The following CACNA1C variants were observed in gnomAD, a reference collection of about 807,000 sequenced individuals.
The protein encoded by CACNA1C is calcium voltage-gated channel subunit alpha1 C.
Under a neutral mutation model 229.0 loss-of-function variants are expected in CACNA1C, and 30 were observed. That is an observed-to-expected ratio of 0.13 (90% confidence interval 0.10 to 0.18). CACNA1C has a LOEUF of 0.18. Ranked by LOEUF, CACNA1C falls within the 10% of genes least tolerant of loss-of-function variation. The probability of loss-of-function intolerance (pLI) is 1.00; values close to 1 mark genes in which losing one functional copy is unlikely to be tolerated. For missense variants in CACNA1C, 1,658 were observed against 2,845.0 expected (o/e 0.58, Z 9.49); for synonymous variants, 1,114 against 1,132.5 (o/e 0.98, Z 0.33).
chr12:2,547,385 G>T, intron 9 of CACNA1C: 1 of 761,874 alleles, frequency 1.3e-6, no homozygotes, highest in South Asian at 1.4e-5. Context: ...GCCCGTGGCT[G>T]ACTGCGTGTG....
intron 1 of CACNA1C, among the ~76,000 whole-genome samples, chr12:1,987,718 G>GAT (rs2038200725): frequency 6.6e-6 from 1 of 152,098 alleles, no homozygotes; most frequent in South Asian, 2.1e-4. Context: ...TTCACACACA[G>GAT]ATACACACAC....
intron 3 of CACNA1C, among the ~76,000 whole-genome samples, chr12:2,243,123 T>A (rs1314452276): frequency 1.3e-5 from 2 of 152,184 alleles, no homozygotes; most frequent in Non-Finnish European, 2.9e-5. Context: ...GGAGCTTACT[T>A]ATATGGGTTA....
At chr12:2,187,438 A>G (rs1344652436) in intron 3 of CACNA1C, among the ~76,000 whole-genome samples, 1 of 152,218 alleles carries the variant, frequency 6.6e-6, no homozygotes, top group African/African-American at 2.4e-5. Flanking sequence ...GGTGGGCAGG[A>G]GAGAGGCTGA....
chr12:2,247,156 C>T (rs1159274496), intron 3 of CACNA1C, among the ~76,000 whole-genome samples: 3 of 152,076 alleles, frequency 2.0e-5, no homozygotes, highest in African/African-American at 7.2e-5. Flanking sequence ...ATCCTTTATT[C>T]TTGTCTTAAA....
At chr12:2,161,130 A>G (rs1035550413) in intron 3 of CACNA1C, among the ~76,000 whole-genome samples, 1 of 152,232 alleles carries the variant, frequency 6.6e-6, no homozygotes, top group African/African-American at 2.4e-5. Flanking sequence ...AGCTCTGGTT[A>G]TCCTTTGCTG....
chr12:2,559,519 G>C (rs369173373), intron 11 of CACNA1C, among the ~76,000 whole-genome samples: 6 of 152,224 alleles, frequency 3.9e-5, no homozygotes, highest in African/African-American at 1.4e-4. Flanking sequence ...CTGCCTCTGG[G>C]AAGGCCTTCT....
Position 2,633,625 on chromosome 12 carries a change from G to A in CACNA1C, c.3829-672G>A, listed in dbSNP as rs2091548729. Reference sequence around the variant, plus strand: ...CCCCATCCTGCCTGCCCTCCCTTATGTAGGGTTACTTTAGTGATCCCTGGA... The same window carrying A: ...CCCCATCCTGCCTGCCCTCCCTTATATAGGGTTACTTTAGTGATCCCTGGA... On this transcript the variant is annotated intron_variant, in intron 29 of 46. Coordinates refer to ENST00000399655, the MANE Select transcript of CACNA1C (RefSeq NM_000719.7). The surrounding 1 kb of genome is among the most constrained non-coding windows in gnomAD (Gnocchi z 5.8). The A allele has an allele frequency of 3.2e-6, 5 of 1,569,078 alleles. No homozygotes were observed. The highest frequency in any genetic ancestry group is 4.4e-6 in the Non-Finnish European group (5 of 1,139,284).
intron 3 of CACNA1C, among the ~76,000 whole-genome samples, chr12:2,177,381 C>G (rs1034623076): frequency 2.6e-5 from 4 of 152,170 alleles, no homozygotes; most frequent in Non-Finnish European, 5.9e-5. Flanking sequence ...TACACAGAAT[C>G]CAGTTCAAGC....
At chr12:2,612,257 C>T in intron 29 of CACNA1C, 1 of 474,128 alleles carries the variant, frequency 2.1e-6, no homozygotes, top group East Asian at 3.7e-5. Flanking sequence ...CTGCAGATTC[C>T]TCGCTGAGCT....
intron 3 of CACNA1C, among the ~76,000 whole-genome samples, chr12:2,437,828 G>GTGGTGGTAATGA (rs1204131257): frequency 5.1e-4 from 76 of 147,764 alleles, no homozygotes; most frequent in African/African-American, 1.7e-3. Flanking sequence ...GGTGGTAATG[G>GTGGTGGTAATGA]TGGTGGTAAT....
At chr12:2,389,911 C>T (rs1030351003) in intron 3 of CACNA1C, among the ~76,000 whole-genome samples, 1 of 152,194 alleles carries the variant, frequency 6.6e-6, no homozygotes, top group Non-Finnish European at 1.5e-5. Flanking sequence ...TCCTCTCTTA[C>T]TTCTCATTTG....
rs2099697372 is a variant in CACNA1C at position 2,486,375 on chromosome 12, C to A, written c.916+113C>A. The A allele has an allele frequency of 6.6e-6, 5 of 762,826 alleles. No homozygotes were observed. The highest frequency in any genetic ancestry group is 5.4e-5 in the East Asian group (2 of 36,914). The allele number at this position is 762,826 out of a possible 1,614,324, so 47.3% of individuals were successfully genotyped here. A position where few individuals can be genotyped will look rare whatever the true frequency, so the allele number is the denominator to read the frequency against. On this transcript the variant is annotated intron_variant, in intron 6 of 46. Transcript: ENST00000399655. The surrounding 1 kb of genome is among the most constrained non-coding windows in gnomAD (Gnocchi z 4.9). ...AGCAGAGCCCAGGGAAGGCCCCATT[C>A]ATTCAGACACACACTGGGCATGGTT...
At chr12:2,443,198 C>T (rs895518261) in intron 3 of CACNA1C, among the ~76,000 whole-genome samples, 2 of 152,208 alleles carry the variant, frequency 1.3e-5, no homozygotes, top group Non-Finnish European at 2.9e-5. Flanking sequence ...AAGTTAGTTA[C>T]TTACAAGATA....
chr12:2,669,789 C>A (rs12369334), intron 38 of CACNA1C, among the ~76,000 whole-genome samples: 10,945 of 152,262 alleles, frequency 0.072, 543 homozygotes, highest in Non-Finnish European at 0.1. Flanking sequence ...TCAGACCTCA[C>A]CTGTGCCACC....
chr12:2,611,886 C>A lies in CACNA1C; in HGVS notation c.3718-17C>A. 1 of 1,547,248 alleles carries A rather than the reference C, an allele frequency of 6.5e-7. No homozygotes were observed. The highest frequency in any genetic ancestry group is 8.9e-7 in the Non-Finnish European group (1 of 1,119,592). ...TCCCTGCCCCGTGTTCACAGCTCCTCCCCTCTCCTGATGCAGCACTACGGC... is the reference window on the plus strand; with the variant it reads ...TCCCTGCCCCGTGTTCACAGCTCCTACCCTCTCCTGATGCAGCACTACGGC... On this transcript the variant is annotated splice_polypyrimidine_tract_variant and intron_variant, in intron 28 of 46. Transcript: ENST00000399655.
At chr12:2,373,167 T>G (rs2097917167) in intron 3 of CACNA1C, among the ~76,000 whole-genome samples, 2 of 152,160 alleles carry the variant, frequency 1.3e-5, no homozygotes. Context: ...AACCCTTCAT[T>G]TGAGTGCCTT....
chr12:2,331,803 G>A (rs543484002), intron 3 of CACNA1C, among the ~76,000 whole-genome samples: 50 of 148,852 alleles, frequency 3.4e-4, no homozygotes, highest in Non-Finnish European at 6.8e-4. Context: ...TGAGGGACAT[G>A]CTACAAATAT....
At position 2,488,014 on chromosome 12, in the gene CACNA1C, C is replaced by T. The variant is rs987424588; in HGVS notation, c.916+1752C>T. Among the ~76,000 whole-genome samples the T allele has an allele frequency of 1.3e-5, 2 of 152,168 alleles. No individual in the cohort carries two copies. Among genetic ancestry groups the T allele is most frequent in the African/African-American group, 4.8e-5 (2 of 41,436 alleles). ...TCAGGAAGTCTCAGACATGTGGAGT[C>T]TCAAAGATTCCCCATCAGTTCAGCA... On this transcript the variant is annotated intron_variant, in intron 6 of 46. Transcript: ENST00000399655. This position sits in a 1 kb window ranked among gnomAD's most constrained non-coding sequence, Gnocchi z 4.0.
chr12:2,482,698 A>G (rs1291733307), intron 5 of CACNA1C, among the ~76,000 whole-genome samples: 1 of 152,148 alleles, frequency 6.6e-6, no homozygotes, highest in African/African-American at 2.4e-5. Flanking sequence ...ACCTCTGAGG[A>G]TGGGGAATCA....
Sources: allele counts gnomAD v4.1 joint callset (sites outside exome capture counted in the v4.1 genomes callset), GRCh38; gene constraint gnomAD v4.1.1; non-coding constraint Gnocchi (gnomAD v3.1); transcripts MANE v1.5; gene names NCBI Gene and HGNC (gene_info 2026-07-23, HGNC 2026-07-21).